The following CNOT1 variants were observed in gnomAD, a reference collection of about 807,000 sequenced individuals.
The protein encoded by CNOT1 is CCR4-NOT transcription complex subunit 1.
Under a neutral mutation model 273.8 loss-of-function variants are expected in CNOT1, and 15 were observed. The observed-to-expected ratio is 0.05, with a 90% confidence interval of 0.04 to 0.08. The LOEUF (loss-of-function observed/expected upper bound fraction) is 0.08, where lower values mean the gene tolerates loss of function less well. CNOT1 is among the 10% of genes least tolerant of loss of function. CNOT1 has a pLI of 1.00. For synonymous variants in CNOT1, 1,022 were observed against 1,005.5 expected, an observed-to-expected ratio of 1.02 and a Z score of -0.31; for missense variants, 1,644 against 2,912.2, an observed-to-expected ratio of 0.56 and a Z score of 10.02.
intron 17 of CNOT1, among the ~76,000 whole-genome samples, chr16:58,559,316 T>A (rs1014591911): frequency 6.6e-6 from 1 of 152,162 alleles, no homozygotes. Flanking sequence ...TGAACTGCCC[T>A]AAACTAAACA....
chr16:58,618,693 A>T (rs188369158), intron 1 of CNOT1, among the ~76,000 whole-genome samples: 16 of 151,986 alleles, frequency 1.1e-4, no homozygotes, highest in Non-Finnish European at 2.1e-4. Context: ...GTAGTTCATA[A>T]GCATGATGAC....
At chr16:58,569,899 C>G (rs749327941) in intron 16 of CNOT1, among the ~76,000 whole-genome samples, 3 of 152,020 alleles carry the variant, frequency 2.0e-5, no homozygotes, top group Non-Finnish European at 4.4e-5. Context: ...TCAATAAATT[C>G]TAAGTAGAAT....
intron 44 of CNOT1, among the ~76,000 whole-genome samples, chr16:58,527,193 G>C (rs2039620803): frequency 6.6e-6 from 1 of 152,088 alleles, no homozygotes; most frequent in Non-Finnish European, 1.5e-5. Flanking sequence ...TATGGGGGGT[G>C]AAGGTAGAGG....
At chr16:58,617,143 T>C (rs1197396566) in intron 1 of CNOT1, among the ~76,000 whole-genome samples, 1 of 152,082 alleles carries the variant, frequency 6.6e-6, no homozygotes, top group East Asian at 1.9e-4. Flanking sequence ...GGAGGATCAC[T>C]TGAACCTGGA....
chr16:58,605,481 A>G (rs1597580917), intron 1 of CNOT1, among the ~76,000 whole-genome samples: 1 of 152,140 alleles, frequency 6.6e-6, no homozygotes, highest in Non-Finnish European at 1.5e-5. Flanking sequence ...ACTCCAGCCT[A>G]GGCGACAGAG....
Position 58,574,721 on chromosome 16 carries a change from G to A in CNOT1, c.1867C>T (p.Arg623Trp). The A allele has an allele frequency of 6.2e-7, 1 of 1,606,372 alleles. No homozygotes were observed. The highest frequency in any genetic ancestry group is 8.5e-7 in the Non-Finnish European group (1 of 1,178,562). Residue 623 changes from arginine (R) to tryptophan (W), a missense_variant, in exon 16 of 49, where the codon CGG (arginine) becomes TGG (tryptophan). This residue lies in a region of CNOT1 where 706 missense variants were observed against 1,021.2 expected (regional missense o/e 0.69). Coordinates refer to ENST00000317147, the MANE Select transcript of CNOT1 (RefSeq NM_016284.5). ...IQACMTFLKR[R>W]CPSILGGLAP... ...AGTCCGCCCAAAATAGAAGGACACC[G>A]TCTCTTTAAAAAAGTCATACACGCC... is the stretch of plus-strand genomic sequence containing the variant.
At chr16:58,609,255 C>A (rs1227168350) in intron 1 of CNOT1, among the ~76,000 whole-genome samples, 1 of 152,012 alleles carries the variant, frequency 6.6e-6, no homozygotes, top group Non-Finnish European at 1.5e-5. Context: ...ACCTATAATC[C>A]CAGCTACTTG....
intron 47 of CNOT1, 50 bp from the exon 48 acceptor site, chr16:58,521,367 A>T: frequency 6.5e-7 from 1 of 1,540,200 alleles, no homozygotes; most frequent in Middle Eastern, 1.7e-4. Context: ...ATACAAATTC[A>T]TGATTATTCT....
chr16:58,582,415 A>C (rs1187270739), intron 10 of CNOT1, among the ~76,000 whole-genome samples: 1 of 152,234 alleles, frequency 6.6e-6, no homozygotes, highest in African/African-American at 2.4e-5. Context: ...TTAAAGTCCA[A>C]TATGGGCAAC....
intron 1 of CNOT1, among the ~76,000 whole-genome samples, chr16:58,617,846 T>C (rs1043455218): frequency 2.0e-5 from 3 of 152,112 alleles, no homozygotes; most frequent in African/African-American, 7.2e-5. Context: ...TCTCTACAAC[T>C]ACAACAATAA....
At chr16:58,562,952 T>C (rs545504749) in intron 16 of CNOT1, among the ~76,000 whole-genome samples, 65 of 152,214 alleles carry the variant, frequency 4.3e-4, no homozygotes, top group Admixed American at 1.6e-3. Context: ...TGTTTCACAT[T>C]TGGGGGGAAA....
intron 40 of CNOT1, among the ~76,000 whole-genome samples, chr16:58,533,388 G>C (rs2039828780): frequency 6.6e-6 from 1 of 152,240 alleles, no homozygotes; most frequent in Non-Finnish European, 1.5e-5. Context: ...TATAATCCCA[G>C]CACTTTGGGA....
At chr16:58,578,465 A>AAG (rs1472617749) in intron 13 of CNOT1, among the ~76,000 whole-genome samples, 3 of 151,740 alleles carry the variant, frequency 2.0e-5, no homozygotes, top group Admixed American at 6.6e-5. Context: ...AAAAAAAAAA[A>AAG]AAAGGAAAGA....
chr16:58,529,302 A>G (rs1458225538), intron 43 of CNOT1, among the ~76,000 whole-genome samples: 1 of 152,236 alleles, frequency 6.6e-6, no homozygotes, highest in East Asian at 1.9e-4. Flanking sequence ...AATTTTGACT[A>G]CAATAAATTT....
chr16:58,591,277 C>T (rs2042042952), intron 2 of CNOT1, among the ~76,000 whole-genome samples: 1 of 152,156 alleles, frequency 6.6e-6, no homozygotes, highest in Non-Finnish European at 1.5e-5. Flanking sequence ...AGGCACATTT[C>T]ATCACACAGT....
At chr16:58,555,115 G>T in intron 21 of CNOT1, 136 bp downstream of exon 21, 2 of 1,259,148 alleles carry the variant, frequency 1.6e-6, no homozygotes, top group Non-Finnish European at 2.2e-6. Flanking sequence ...GGCTGAAGTG[G>T]GAGAATCACT....
At chr16:58,597,589 T>C (rs2042309829) in intron 2 of CNOT1, 2 of 355,334 alleles carry the variant, frequency 5.6e-6, no homozygotes, top group Non-Finnish European at 1.1e-5. Flanking sequence ...TCAGCTATCT[T>C]CAGGTTTGTG....
chr16:58,558,375 T>C (rs1689525665), intron 18 of CNOT1, 98 bp downstream of exon 18: 4 of 1,553,446 alleles, frequency 2.6e-6, no homozygotes, highest in Admixed American at 2.0e-5. Context: ...TTTAAGCAGC[T>C]TTCCTTATCA....
At chr16:58,560,073 T>C in intron 17 of CNOT1, 139 bp downstream of exon 17, 2 of 1,516,460 alleles carry the variant, frequency 1.3e-6, no homozygotes, top group Non-Finnish European at 1.8e-6. Flanking sequence ...TATTTACATA[T>C]CTCCTTTAAA....
Sources: allele counts gnomAD v4.1 joint callset (sites outside exome capture counted in the v4.1 genomes callset), GRCh38; gene constraint gnomAD v4.1.1; regional missense constraint gnomAD v4.1.1; transcripts MANE v1.5; gene names NCBI Gene and HGNC (gene_info 2026-07-23, HGNC 2026-07-21).